Variants in CAMSAP1 observed in about 807,000 individuals in gnomAD.
CAMSAP1 encodes calmodulin-regulated spectrin-associated protein 1.
In CAMSAP1, 58 loss-of-function variants were observed where a neutral mutation model predicts 143.5. That is an observed-to-expected ratio of 0.40 (90% CI 0.33 to 0.50). CAMSAP1 has a LOEUF of 0.50. Ranked by LOEUF, CAMSAP1 falls within the 20% of genes least tolerant of loss-of-function variation. The pLI, the probability that CAMSAP1 is intolerant of heterozygous loss-of-function variation, is 0.45. For synonymous variants in CAMSAP1, 945 were observed against 859.3 expected (o/e 1.10, Z -1.74); for missense variants, 1,969 against 2,115.7 (o/e 0.93, Z 1.36).
chr9:135,896,493 T>C (rs1052942256), intron 1 of CAMSAP1, among the ~76,000 whole-genome samples: 2 of 152,102 alleles, frequency 1.3e-5, no homozygotes, highest in Non-Finnish European at 2.9e-5. Flanking sequence ...TCAACAAAGA[T>C]ATAAATCAGA....
chr9:135,821,684 G>C lies in CAMSAP1; in HGVS notation c.2977C>G (p.Leu993Val). 6.2e-7 allele frequency: 1 copy of C among 1,614,042 alleles called. No individual in the cohort carries two copies. The highest frequency in any genetic ancestry group is 2.2e-5 in the East Asian group (1 of 44,878). The change falls in exon 11 of 17, where the codon CTG becomes GTG. Residue 993 changes from leucine to valine, a missense_variant. Around this residue, in one of 4 missense-constraint regions of CAMSAP1, gnomAD observed 1,390 missense variants for 1,420.8 expected, o/e 0.98. Coordinates refer to ENST00000389532, the MANE Select transcript of CAMSAP1 (RefSeq NM_015447.4). This position sits in a 1 kb window ranked among gnomAD's most constrained non-coding sequence, Gnocchi z 4.6. ...ACCTTATTTCTCTCCAGCTCGTGCAGAGCCACAGGGTCTTTTGCTTTATGT... is the reference window on the plus strand; with the variant it reads ...ACCTTATTTCTCTCCAGCTCGTGCACAGCCACAGGGTCTTTTGCTTTATGT... ...QQHKAKDPVA[L>V]HELERNKVIS...
At chr9:135,884,059 G>A (rs745876916) in intron 1 of CAMSAP1, among the ~76,000 whole-genome samples, 2 of 152,158 alleles carry the variant, frequency 1.3e-5, no homozygotes, top group Non-Finnish European at 1.5e-5. Context: ...GAGGACGAGG[G>A]ATGTCTGCAG....
chr9:135,850,989 G>A (rs1285429782), intron 5 of CAMSAP1, among the ~76,000 whole-genome samples: 1 of 152,244 alleles, frequency 6.6e-6, no homozygotes, highest in Non-Finnish European at 1.5e-5. Context: ...TCCATGAAGA[G>A]GTGGAGACTG....
chr9:135,823,671 C>T (rs1035839982), intron 10 of CAMSAP1, among the ~76,000 whole-genome samples: 1 of 152,176 alleles, frequency 6.6e-6, no homozygotes, highest in Admixed American at 6.5e-5. Context: ...CTATTTGACA[C>T]CTGTATAGTT....
Position 135,818,209 on chromosome 9 carries a change from G to A in CAMSAP1, c.4169-130C>T. On this transcript the variant is annotated intron_variant, in intron 13 of 16. Coordinates refer to ENST00000389532, the MANE Select transcript of CAMSAP1 (RefSeq NM_015447.4). The surrounding 1 kb of genome is among the most constrained non-coding windows in gnomAD (Gnocchi z 7.7). ...ACAGGCCGCGTCCCCACCCCATCCC[G>A]GGGAGCCGGGCTGCGCCTGGATGTG... is the stretch of plus-strand genomic sequence containing the variant. 9 of 1,167,064 alleles carry A rather than the reference G, an allele frequency of 7.7e-6. No homozygotes were observed. The highest frequency in any genetic ancestry group is 1.9e-4 in the Middle Eastern group (1 of 5,166). The allele number at this position is 1,167,064 out of a possible 1,614,324, so 72.3% of individuals were successfully genotyped here. A position where few individuals can be genotyped will look rare whatever the true frequency, so the allele number is the denominator to read the frequency against.
chr9:135,817,629 G>A (rs931885248), intron 14 of CAMSAP1, among the ~76,000 whole-genome samples: 1 of 152,076 alleles, frequency 6.6e-6, no homozygotes, highest in Non-Finnish European at 1.5e-5. Flanking sequence ...GAACTCCAAG[G>A]CCCAAGTGAT....
intron 7 of CAMSAP1, chr9:135,849,733 A>G (rs1836704922): frequency 6.5e-6 from 1 of 154,032 alleles, no homozygotes; most frequent in Admixed American, 6.5e-5. Flanking sequence ...TGTGGCTAAT[A>G]TTTTCATATT....
Position 135,907,125 on chromosome 9 carries a change from C to T in CAMSAP1, c.35G>A (p.Gly12Asp). 4 of 1,120,754 alleles carry T rather than the reference C, an allele frequency of 3.6e-6. No individual in the cohort carries two copies. The South Asian group carries it at 1.5e-4, about 43-fold the overall frequency. The allele number at this position is 1,120,754 out of a possible 1,614,324, so 69.4% of individuals were successfully genotyped here. ...CGGCGGGGCCTCCATCTTCCTCCAG[C>T]CCTCGGCGGCGGCGCGGCCGCTCGC... ...VDASGRAAAE[G>D]WRKMEAPPDG... The change falls in exon 1 of 17, where the codon GGC becomes GAC. Residue 12 changes from glycine to aspartate, a missense_variant. Transcript: ENST00000389532.
At chr9:135,898,251 T>C (rs1004496274) in intron 1 of CAMSAP1, among the ~76,000 whole-genome samples, 3 of 152,188 alleles carry the variant, frequency 2.0e-5, no homozygotes, top group African/African-American at 7.2e-5. Context: ...TGGTGTAATA[T>C]TATGCTACAA....
At chr9:135,857,947 T>C (rs1790055864) in intron 5 of CAMSAP1, among the ~76,000 whole-genome samples, 1 of 152,124 alleles carries the variant, frequency 6.6e-6, no homozygotes, top group Admixed American at 6.5e-5. Flanking sequence ...CTCAAGAGTG[T>C]CCCGCATCTA....
In CAMSAP1 at chr9:135,882,923, C is replaced by G. The variant is rs1053855234; in HGVS notation, c.316G>C (p.Gly106Arg). 1.1e-5 allele frequency: 17 copies of G among 1,551,630 alleles called. No individual in the cohort carries two copies. The highest frequency in any genetic ancestry group is 7.0e-6 in the Non-Finnish European group (8 of 1,147,020). Residue 106 changes from glycine (G) to arginine (R), a missense_variant, in exon 2 of 17, where the codon GGA becomes CGA. Coordinates refer to ENST00000389532, the MANE Select transcript of CAMSAP1 (RefSeq NM_015447.4). This position sits in a 1 kb window ranked among gnomAD's most constrained non-coding sequence, Gnocchi z 4.9. ...LKGDQVAALQ[G>R]HQSVIQALSR... ...AGGGCCTGGATGACAGACTGGTGTCCCTGTAAGGCGGCCACCTGGTCCCCT... is the reference window on the plus strand; with the variant it reads ...AGGGCCTGGATGACAGACTGGTGTCGCTGTAAGGCGGCCACCTGGTCCCCT...
At chr9:135,842,993 A>G (rs1836414739) in intron 7 of CAMSAP1, among the ~76,000 whole-genome samples, 2 of 152,040 alleles carry the variant, frequency 1.3e-5, no homozygotes, top group Admixed American at 6.6e-5. Context: ...ACATAACAAT[A>G]TTAACCTTAA....
At chr9:135,869,850 A>G (rs1025609687) in intron 3 of CAMSAP1, among the ~76,000 whole-genome samples, 1 of 152,220 alleles carries the variant, frequency 6.6e-6, no homozygotes, top group Admixed American at 6.5e-5. Context: ...TTCAGGCATA[A>G]AAAGGAATGA....
At chr9:135,892,931 G>T (rs1438458534) in intron 1 of CAMSAP1, among the ~76,000 whole-genome samples, 1 of 150,162 alleles carries the variant, frequency 6.7e-6, no homozygotes, top group East Asian at 2.0e-4. Flanking sequence ...CACTTTGAGA[G>T]GCCAAGGTAG....
At position 135,811,237 on chromosome 9, in the gene CAMSAP1, C is replaced by T; in HGVS notation, c.*72G>A. 1 of 1,485,410 alleles carries T rather than the reference C, an allele frequency of 6.7e-7. No homozygotes were observed. The highest frequency in any genetic ancestry group is 1.3e-5 in the South Asian group (1 of 76,960). 92.0% of individuals were successfully genotyped at this position (1,485,410 alleles called of 1,614,324 possible). On this transcript the variant is annotated 3_prime_UTR_variant, in exon 17 of 17. Transcript: ENST00000389532. This position sits in a 1 kb window ranked among gnomAD's most constrained non-coding sequence, Gnocchi z 4.9. ...AACAATAAATAAGGACCCCGTGGCA[C>T]CCTCTGGATGCCAGCCACAAGGGCA...
chr9:135,888,573 C>T (rs116045584), intron 1 of CAMSAP1, among the ~76,000 whole-genome samples: 2,063 of 152,280 alleles, frequency 0.014, 50 homozygotes, highest in African/African-American at 0.047. Flanking sequence ...GTCTGAGCCA[C>T]CTGGGAGCTG....
rs889204579 is a variant in CAMSAP1 at position 135,882,714 on chromosome 9, C to T, written c.423+102G>A. 2.9e-6 allele frequency: 4 copies of T among 1,376,022 alleles called. No homozygotes were observed. In the African/African-American group the frequency reaches 5.8e-5, roughly 20 times the overall value. The allele number at this position is 1,376,022 out of a possible 1,614,324, so 85.2% of individuals were successfully genotyped here. ...GCAAAAGCACGGGTCTCCACCACCT[C>T]GCCGCACACCGTGTTCACACCATCC... On this transcript the variant is annotated intron_variant, in intron 2 of 16. Transcript: ENST00000389532. This position sits in a 1 kb window ranked among gnomAD's most constrained non-coding sequence, Gnocchi z 4.9.
chr9:135,893,785 AAG>A (rs1231421547), intron 1 of CAMSAP1, among the ~76,000 whole-genome samples: 2 of 152,224 alleles, frequency 1.3e-5, no homozygotes, highest in African/African-American at 4.8e-5. Context: ...TCCAAAGACA[AAG>A]AGAAGATTTT....
rs1835532539 is a variant in CAMSAP1, at chr9:135,822,889, A to T, written c.1772T>A (p.Phe591Tyr). ...DTSESKPDSF[F>Y]LEPLMPAVLK... ...AACTGCTGGCATCAAAGGCTCCAAG[A>T]AAAAACTGTCAGGCTTACTTTCCGA... Residue 591 changes from phenylalanine (F) to tyrosine (Y), a missense_variant, in exon 11 of 17, where the codon TTC (phenylalanine) becomes TAC (tyrosine). Around this residue, in one of 4 missense-constraint regions of CAMSAP1, gnomAD observed 1,390 missense variants for 1,420.8 expected, o/e 0.98. Coordinates refer to ENST00000389532, the MANE Select transcript of CAMSAP1 (RefSeq NM_015447.4). This position sits in a 1 kb window ranked among gnomAD's most constrained non-coding sequence, Gnocchi z 6.1. 2 of 1,613,916 alleles carry T rather than the reference A, an allele frequency of 1.2e-6. No homozygotes were observed. The highest frequency in any genetic ancestry group is 4.5e-5 in the East Asian group (2 of 44,862).
Sources: allele counts gnomAD v4.1 joint callset (sites outside exome capture counted in the v4.1 genomes callset), GRCh38; gene constraint gnomAD v4.1.1; regional missense constraint gnomAD v4.1.1; non-coding constraint Gnocchi (gnomAD v3.1); transcripts MANE v1.5; gene names NCBI Gene and HGNC (gene_info 2026-07-23, HGNC 2026-07-21).